The following SPAG9 variants were observed in gnomAD, a reference collection of about 807,000 sequenced individuals.
The protein encoded by SPAG9 is sperm associated antigen 9, also known as C-Jun-amino-terminal kinase-interacting protein 4.
SPAG9 carries 35 observed loss-of-function variants against 166.5 expected under a neutral mutation model. That is an observed-to-expected ratio of 0.21 (90% CI 0.16 to 0.28). The LOEUF is 0.28. SPAG9 is among the 10% of genes least tolerant of loss of function. The probability of loss-of-function intolerance (pLI) is 1.00; values close to 1 mark genes in which losing one functional copy is unlikely to be tolerated. For missense variants in SPAG9, 1,235 were observed against 1,603.3 expected, an observed-to-expected ratio of 0.77 and a Z score of 3.92; for synonymous variants, 534 against 565.5, an observed-to-expected ratio of 0.94 and a Z score of 0.79.
chr17:51,116,567 G>C (rs963130208), intron 1 of SPAG9, among the ~76,000 whole-genome samples: 8 of 152,134 alleles, frequency 5.3e-5, no homozygotes, highest in Non-Finnish European at 1.0e-4. Flanking sequence ...AGGAGTTCCA[G>C]ACCAGACTGG....
intron 6 of SPAG9, among the ~76,000 whole-genome samples, chr17:51,025,023 A>AC (rs2046099103): frequency 2.0e-5 from 3 of 151,450 alleles, no homozygotes; most frequent in African/African-American, 7.3e-5. Flanking sequence ...CATCTCAAAA[A>AC]AAAAAAAAAA....
At chr17:51,041,750 C>G in intron 4 of SPAG9, 99 bp from the exon 5 acceptor site, 2 of 1,093,562 alleles carry the variant, frequency 1.8e-6, no homozygotes, top group South Asian at 3.0e-5. Context: ...TGTTTTACAA[C>G]CATCACTCAA....
In SPAG9 at chr17:51,047,390, G is replaced by A. The variant is rs768165474; in HGVS notation, c.575C>T (p.Ala192Val). 6.4e-7 allele frequency: 1 copy of A among 1,573,474 alleles called. No individual in the cohort carries two copies. The highest frequency in any genetic ancestry group is 1.4e-5 in the African/African-American group (1 of 73,340). ...CAAAGCTTACCTAATTCTACTATGA[G>A]CTGTGGATTCTAGTTGATCACTCCC... The part of the protein sequence containing the change: ...LSGSDQLEST[A>V]HSRIRKERPI... Residue 192 changes from alanine to valine, a missense_variant, in exon 4 of 30, where the codon GCT (alanine) becomes GTT (valine). By Grantham distance (64) the Ala-to-Val change is moderately conservative. Around this residue, in one of 6 missense-constraint regions of SPAG9, gnomAD observed 288 missense variants for 323.7 expected, o/e 0.89. Coordinates refer to ENST00000262013, the MANE Select transcript of SPAG9 (RefSeq NM_001130528.3).
At chr17:51,107,790 C>T (rs1210389621) in intron 1 of SPAG9, among the ~76,000 whole-genome samples, 1 of 149,652 alleles carries the variant, frequency 6.7e-6, no homozygotes, top group Non-Finnish European at 1.5e-5. Context: ...TGGCTCACAA[C>T]TATAATCTCA....
intron 1 of SPAG9, among the ~76,000 whole-genome samples, chr17:51,081,515 G>A (rs574813600): frequency 2.5e-4 from 38 of 151,704 alleles, no homozygotes; most frequent in African/African-American, 8.7e-4. Context: ...AGGCTGAGGC[G>A]AGCAGATCAC....
At chr17:51,026,946 G>T (rs977968294) in intron 6 of SPAG9, among the ~76,000 whole-genome samples, 3 of 152,084 alleles carry the variant, frequency 2.0e-5, no homozygotes, top group African/African-American at 4.8e-5. Flanking sequence ...AAAGTGCTGG[G>T]TTTAGAGATG....
intron 14 of SPAG9, chr17:50,999,350 C>A: frequency 1.4e-6 from 1 of 723,722 alleles, no homozygotes; most frequent in South Asian, 2.2e-5. Flanking sequence ...TAATGGGGAT[C>A]CAGGTCATTT....
chr17:50,985,658 G>T, intron 23 of SPAG9, 40 bp downstream of exon 23: 2 of 1,147,884 alleles, frequency 1.7e-6, no homozygotes, highest in Non-Finnish European at 2.6e-6. Context: ...ATACCAAAAT[G>T]CATAGTTTTA....
Position 50,998,573 on chromosome 17 carries a change from G to C in SPAG9, c.1709C>G (p.Pro570Arg), listed in dbSNP as rs1345505644. The change falls in exon 15 of 30, where the codon CCT (proline) becomes CGT (arginine). Residue 570 changes from proline (P) to arginine (R), a missense_variant. Pro to Arg is a moderately radical substitution (Grantham distance 103). This residue lies in a region of SPAG9 where 493 missense variants were observed against 559.4 expected (regional missense o/e 0.88). Transcript: ENST00000262013. ...FSSSSNTTKK[P>R]EPPVNLKYNA... ...GTACTTCAGATTAACAGGTGGTTCA[G>C]GCTTCTTAGTCGTGTTACTTGAGGA... 2 of 1,614,040 alleles carry C rather than the reference G, an allele frequency of 1.2e-6. No homozygotes were observed. The highest frequency in any genetic ancestry group is 1.7e-6 in the Non-Finnish European group (2 of 1,180,036).
intron 6 of SPAG9, 76 bp downstream of exon 6, chr17:51,031,605 T>G: frequency 1.0e-6 from 1 of 996,594 alleles, no homozygotes; most frequent in South Asian, 1.4e-5. Context: ...GTCTTGAGAA[T>G]AGCAGTTGAG....
At chr17:51,047,136 C>G (rs755541588) in intron 4 of SPAG9, among the ~76,000 whole-genome samples, 1 of 152,174 alleles carries the variant, frequency 6.6e-6, no homozygotes, top group Non-Finnish European at 1.5e-5. Flanking sequence ...CATCAAGTAT[C>G]AGAAAACAAT....
At chr17:51,004,775 A>G (rs2045127292) in intron 12 of SPAG9, among the ~76,000 whole-genome samples, 1 of 152,210 alleles carries the variant, frequency 6.6e-6, no homozygotes, top group South Asian at 2.1e-4. Flanking sequence ...CAAGAAGCTC[A>G]TATTTATTCT....
intron 1 of SPAG9, among the ~76,000 whole-genome samples, chr17:51,095,056 G>A (rs1036295612): frequency 4.6e-5 from 7 of 152,134 alleles, no homozygotes; most frequent in Non-Finnish European, 1.0e-4. Flanking sequence ...AGCACTTCGG[G>A]AGGCCGAGGT....
chr17:51,014,076 C>T (rs755162419), intron 9 of SPAG9, among the ~76,000 whole-genome samples, 156 bp downstream of exon 9: 9 of 152,206 alleles, frequency 5.9e-5, no homozygotes, highest in Non-Finnish European at 1.2e-4. Context: ...TTAAAACTTT[C>T]ATGATCACAA....
Position 51,095,982 on chromosome 17 carries a change from T to C in SPAG9, c.304-16278A>G, listed in dbSNP as rs1164413852. 2.4e-5 allele frequency among the ~76,000 whole-genome samples: 3 copies of C among 127,136 alleles called. 1 individual carries two copies. Among genetic ancestry groups the C allele is most frequent in the African/African-American group, 8.7e-5 (3 of 34,424 alleles). 83.4% of individuals were successfully genotyped at this position (127,136 alleles called of 152,430 possible). A position where few individuals can be genotyped will look rare whatever the true frequency, so the allele number is the denominator to read the frequency against. On this transcript the variant is annotated intron_variant, in intron 1 of 29. Transcript: ENST00000262013. Reference sequence around the variant, plus strand: ...TGATATATATATATAGTGATATATATATATATAGTGATATATATATAGTGA... The same window carrying C: ...TGATATATATATATAGTGATATATACATATATAGTGATATATATATAGTGA...
intron 19 of SPAG9, among the ~76,000 whole-genome samples, chr17:50,992,836 C>G (rs1811161121): frequency 6.6e-6 from 1 of 152,074 alleles, no homozygotes; most frequent in Non-Finnish European, 1.5e-5. Context: ...GTGGGTCACA[C>G]CTGTAATCTC....
chr17:50,975,025 TATG>T (rs1974113462), intron 27 of SPAG9, 78 bp from the exon 28 acceptor site: 4 of 1,340,038 alleles, frequency 3.0e-6, no homozygotes, highest in African/African-American at 3.0e-5. Context: ...GGTTAATCCT[TATG>T]ATATTATCTA....
intron 6 of SPAG9, chr17:51,023,401 G>C: frequency 3.9e-6 from 1 of 255,154 alleles, no homozygotes; most frequent in East Asian, 1.1e-4. Flanking sequence ...AGCTATTGAT[G>C]CTGAAGTGGT....
At chr17:51,089,043 G>C (rs1317770110) in intron 1 of SPAG9, among the ~76,000 whole-genome samples, 5 of 151,410 alleles carry the variant, frequency 3.3e-5, no homozygotes, top group African/African-American at 1.2e-4. Flanking sequence ...CGGTGAGCGA[G>C]ATTGCGCCAC....
Sources: gnomAD v4.1 joint callset for allele counts (sites outside exome capture counted in the v4.1 genomes callset) on GRCh38, gnomAD v4.1.1 for gene constraint, gnomAD v4.1.1 regional missense constraint, MANE v1.5 for transcripts, NCBI Gene and HGNC (gene_info 2026-07-23, HGNC 2026-07-21) for gene names.